CSMD3: variants seen among roughly 807,000 people sequenced by gnomAD.
CSMD3 encodes CUB and Sushi multiple domains 3, also known as CUB and sushi domain-containing protein 3.
CSMD3 carries 177 observed loss-of-function variants against 435.2 expected under a neutral mutation model. The ratio of observed to expected loss-of-function variants is 0.41; its 90% CI spans 0.36 to 0.46. The LOEUF is 0.46. CSMD3 is among the 20% of genes least tolerant of loss of function. The pLI, the probability that CSMD3 is intolerant of heterozygous loss-of-function variation, is 0.34. For synonymous variants in CSMD3, 1,656 were observed against 1,520.5 expected (o/e 1.09, Z -2.07); for missense variants, 4,265 against 4,504.6 (o/e 0.95, Z 1.52).
intron 10 of CSMD3, among the ~76,000 whole-genome samples, chr8:112,885,106 T>G (rs545608953): frequency 2.6e-5 from 4 of 151,872 alleles, no homozygotes; most frequent in African/African-American, 9.6e-5. Flanking sequence ...CTTGGTATAC[T>G]GTGAGCCTCT....
chr8:112,683,823 G>A (rs1429295678), intron 15 of CSMD3, among the ~76,000 whole-genome samples: 3 of 151,582 alleles, frequency 2.0e-5, no homozygotes, highest in Admixed American at 6.6e-5. Context: ...TTTACTATCT[G>A]TTCTCCTTAT....
chr8:112,943,048 GTTA>G (rs2083499518), intron 9 of CSMD3, among the ~76,000 whole-genome samples: 1 of 151,566 alleles, frequency 6.6e-6, no homozygotes. Flanking sequence ...GTATCTGGTA[GTTA>G]TATTAATTTG....
At chr8:112,426,236 G>T (rs76760232) in intron 32 of CSMD3, among the ~76,000 whole-genome samples, 1 of 152,130 alleles carries the variant, frequency 6.6e-6, no homozygotes, top group African/African-American at 2.4e-5. Context: ...TTGAGTGTGT[G>T]TGCAGGGGGT....
chr8:113,153,130 A>AGAAG (rs35232074), intron 4 of CSMD3, among the ~76,000 whole-genome samples: 32,779 of 82,436 alleles, frequency 0.4, 6,976 homozygotes, highest in South Asian at 0.46. Context: ...AGAAAGAGAA[A>AGAAG]GAAGGAAGGA....
chr8:112,845,511 T>C (rs1461048642), intron 11 of CSMD3, among the ~76,000 whole-genome samples: 3 of 152,018 alleles, frequency 2.0e-5, no homozygotes, highest in Non-Finnish European at 2.9e-5. Context: ...ATCCCCAAAA[T>C]ACAGGGTCCT....
intron 38 of CSMD3, among the ~76,000 whole-genome samples, chr8:112,375,937 T>C (rs1828901053): frequency 6.6e-6 from 1 of 152,102 alleles, no homozygotes; most frequent in Non-Finnish European, 1.5e-5. Context: ...CCTCAAATCT[T>C]ATATACCAAC....
intron 38 of CSMD3, among the ~76,000 whole-genome samples, chr8:112,360,863 A>T (rs904944667): frequency 1.3e-5 from 2 of 151,854 alleles, no homozygotes; most frequent in Non-Finnish European, 2.9e-5. Flanking sequence ...GGCTTCATTC[A>T]TTTTTTTGCA....
intron 32 of CSMD3, among the ~76,000 whole-genome samples, chr8:112,449,483 G>T (rs1184023316): frequency 6.6e-6 from 1 of 152,104 alleles, no homozygotes; most frequent in Non-Finnish European, 1.5e-5. Context: ...CCTAAGAAAA[G>T]CTGAGTGCAG....
intron 27 of CSMD3, among the ~76,000 whole-genome samples, chr8:112,542,457 TAA>T (rs989221420): frequency 1.9e-4 from 29 of 151,506 alleles, no homozygotes; most frequent in Admixed American, 1.1e-3. Flanking sequence ...ATAAATTCAA[TAA>T]AGTTTCAGGA....
intron 51 of CSMD3, among the ~76,000 whole-genome samples, 178 bp downstream of exon 51, chr8:112,305,829 A>T (rs1420859): frequency 0.67 from 101,690 of 152,010 alleles, 35,808 homozygotes; most frequent in African/African-American, 0.89. Flanking sequence ...GATGGAAAAG[A>T]CCTTGTACTG....
chr8:112,466,772 A>G (rs972483110), intron 32 of CSMD3, among the ~76,000 whole-genome samples: 1 of 152,194 alleles, frequency 6.6e-6, no homozygotes, highest in African/African-American at 2.4e-5. Flanking sequence ...AATAACCACT[A>G]TGTAATTACC....
At chr8:112,791,932 C>T (rs573679741) in intron 13 of CSMD3, among the ~76,000 whole-genome samples, 1 of 152,226 alleles carries the variant, frequency 6.6e-6, no homozygotes, top group Non-Finnish European at 1.5e-5. Flanking sequence ...AGTAGTATCT[C>T]TTTGTAGTTG....
intron 3 of CSMD3, among the ~76,000 whole-genome samples, chr8:113,202,102 G>GT (rs1427493259): frequency 6.6e-6 from 1 of 152,076 alleles, no homozygotes; most frequent in Non-Finnish European, 1.5e-5. Flanking sequence ...ATGCCAAATC[G>GT]TAACACTTGA....
chr8:113,283,033 T>A (rs973367594), intron 2 of CSMD3, among the ~76,000 whole-genome samples: 7 of 152,090 alleles, frequency 4.6e-5, no homozygotes, highest in Non-Finnish European at 1.0e-4. Flanking sequence ...GCTAGCCATA[T>A]GTAGAAGAAT....
chr8:112,908,435 A>G (rs1186639478), intron 10 of CSMD3, among the ~76,000 whole-genome samples: 1 of 151,424 alleles, frequency 6.6e-6, no homozygotes, highest in Non-Finnish European at 1.5e-5. Flanking sequence ...CTGCAATTCA[A>G]TATCTGTTCT....
intron 2 of CSMD3, among the ~76,000 whole-genome samples, chr8:113,280,903 C>T (rs190466716): frequency 1.4e-4 from 22 of 151,946 alleles, no homozygotes; most frequent in African/African-American, 3.6e-4. Context: ...ATCTTGATTG[C>T]GCTTTTGACC....
chr8:112,774,006 T>C (rs1475793672), intron 13 of CSMD3, among the ~76,000 whole-genome samples: 1 of 152,052 alleles, frequency 6.6e-6, no homozygotes, highest in Admixed American at 6.6e-5. Flanking sequence ...CTTGTCCTCT[T>C]GTTTTAAATG....
intron 13 of CSMD3, among the ~76,000 whole-genome samples, chr8:112,721,078 A>G (rs578064481): frequency 6.6e-6 from 1 of 152,256 alleles, no homozygotes; most frequent in East Asian, 1.9e-4. Context: ...GTTAAATGCC[A>G]ACTCTAGATT....
intron 9 of CSMD3, among the ~76,000 whole-genome samples, chr8:112,941,425 G>T (rs539794176): frequency 6.6e-6 from 1 of 151,908 alleles, no homozygotes; most frequent in Admixed American, 6.6e-5. Flanking sequence ...GGAAACTGTG[G>T]ACGAGAAGGA....
Sources: allele counts gnomAD v4.1 joint callset (sites outside exome capture counted in the v4.1 genomes callset), GRCh38; gene constraint gnomAD v4.1.1; transcripts MANE v1.5; gene names NCBI Gene and HGNC (gene_info 2026-07-23, HGNC 2026-07-21).